DPP6: variants seen among roughly 807,000 people sequenced by gnomAD.
The protein encoded by DPP6 is A-type potassium channel modulatory protein DPP6.
Under a neutral mutation model 122.6 loss-of-function variants are expected in DPP6, and 69 were observed. The observed-to-expected ratio is 0.56, with a 90% confidence interval of 0.46 to 0.69. DPP6 has a LOEUF of 0.69. Among genes scored for constraint, DPP6 ranks in the 30% least tolerant of loss-of-function variants. DPP6 has a pLI of 0.00. For missense variants in DPP6, 928 were observed against 1,116.9 expected, an observed-to-expected ratio of 0.83 and a Z score of 2.41; for synonymous variants, 418 against 433.1, an observed-to-expected ratio of 0.97 and a Z score of 0.43.
chr7:154,867,866 C>A, intron 17 of DPP6, 129 bp from the exon 18 acceptor site: 1 of 1,261,052 alleles, frequency 7.9e-7, no homozygotes, highest in East Asian at 2.8e-5. Context: ...TTTCTGTACA[C>A]TAGAAATAAT....
At chr7:154,689,747 G>C (rs1839832986) in intron 7 of DPP6, among the ~76,000 whole-genome samples, 1 of 152,168 alleles carries the variant, frequency 6.6e-6, no homozygotes, top group African/African-American at 2.4e-5. Context: ...ATCTACGAAA[G>C]CAGGAAATTT....
chr7:154,225,839 A>G (rs1057433151), intron 1 of DPP6, among the ~76,000 whole-genome samples: 1 of 152,158 alleles, frequency 6.6e-6, no homozygotes, highest in Non-Finnish European at 1.5e-5. Flanking sequence ...CCATCTACCA[A>G]TACACTAGTG....
the DPP6 span, among the ~76,000 whole-genome samples, chr7:153,797,775 C>T: frequency 1.6e-4 from 24 of 152,144 alleles, no homozygotes; most frequent in Admixed American, 7.2e-4. Flanking sequence ...GGCTTATAGG[C>T]GGCCACCTCA....
chr7:153,835,462 C>A, the DPP6 span, among the ~76,000 whole-genome samples: 2 of 152,034 alleles, frequency 1.3e-5, no homozygotes, highest in Non-Finnish European at 2.9e-5. Context: ...CCTTTTACCA[C>A]CTTGGTTAAT....
chr7:154,058,953 G>A (rs1195515891), intron 1 of DPP6: 8 of 151,314 alleles, frequency 5.3e-5, no homozygotes, highest in African/African-American at 2.0e-4. Flanking sequence ...CAGGGTGGGG[G>A]AGGCACCCCC....
chr7:154,729,915 G>A (rs1293909988), intron 8 of DPP6, among the ~76,000 whole-genome samples: 1 of 152,236 alleles, frequency 6.6e-6, no homozygotes, highest in Non-Finnish European at 1.5e-5. Context: ...AGTTATGCCT[G>A]TTCTGTGCAG....
At chr7:153,870,123 T>C in the DPP6 span, among the ~76,000 whole-genome samples, 8 of 152,176 alleles carry the variant, frequency 5.3e-5, no homozygotes, top group African/African-American at 1.9e-4. Flanking sequence ...CTGACAATTA[T>C]GTGTCTTGGA....
intron 1 of DPP6, among the ~76,000 whole-genome samples, chr7:154,031,416 T>C (rs1250492729): frequency 6.6e-6 from 1 of 151,370 alleles, no homozygotes; most frequent in Non-Finnish European, 1.5e-5. Flanking sequence ...TTTATTAAAG[T>C]CTCACTAAAA....
chr7:153,981,177 G>C lies in DPP6; in HGVS notation c.51+93443G>C, dbSNP rs150392622. ...AGTATCCCACTATTATTGTGTGGGA[G>C]TCTAAGTCTCTTTGTAGTTCTCTAA... On this transcript the variant is annotated intron_variant, in intron 1 of 25. Transcript: ENST00000404039. Among the ~76,000 whole-genome samples the C allele has an allele frequency of 2.0e-4, 31 of 152,290 alleles. No homozygotes were observed. In the East Asian group the frequency reaches 4.8e-3, roughly 24 times the overall value.
intron 1 of DPP6, among the ~76,000 whole-genome samples, chr7:154,363,962 C>T (rs1811945276): frequency 6.6e-6 from 1 of 152,142 alleles, no homozygotes; most frequent in Non-Finnish European, 1.5e-5. Flanking sequence ...AAACAGCAAT[C>T]CTGCTTTTCC....
chr7:153,848,273 C>T, the DPP6 span, among the ~76,000 whole-genome samples: 1 of 151,058 alleles, frequency 6.6e-6, no homozygotes, highest in Non-Finnish European at 1.5e-5. Flanking sequence ...ACCCCCACCC[C>T]AGTCCTCACC....
chr7:153,770,427 A>T, the DPP6 span, among the ~76,000 whole-genome samples: 6 of 152,278 alleles, frequency 3.9e-5, no homozygotes, highest in African/African-American at 1.2e-4. Flanking sequence ...GGTACTGATA[A>T]ATCTGAGGCC....
At chr7:154,140,333 C>G (rs1451703401) in intron 1 of DPP6, among the ~76,000 whole-genome samples, 5 of 152,202 alleles carry the variant, frequency 3.3e-5, no homozygotes, top group African/African-American at 1.2e-4. Flanking sequence ...TTTATTCACA[C>G]CAAGTTTACT....
At chr7:154,772,037 C>A (rs149893073) in intron 9 of DPP6, among the ~76,000 whole-genome samples, 189 of 152,250 alleles carry the variant, frequency 1.2e-3, no homozygotes, top group African/African-American at 4.4e-3. Context: ...GGAGTGATAA[C>A]CTGGAATCCA....
intron 1 of DPP6, among the ~76,000 whole-genome samples, chr7:154,431,214 G>A (rs566123194): frequency 1.1e-4 from 16 of 152,214 alleles, no homozygotes; most frequent in South Asian, 2.1e-4. Context: ...AGGGGGAAGC[G>A]CCAAGGCCGT....
intron 5 of DPP6, among the ~76,000 whole-genome samples, chr7:154,567,552 T>C (rs1190079522): frequency 6.6e-6 from 1 of 152,218 alleles, no homozygotes; most frequent in Non-Finnish European, 1.5e-5. Context: ...TAATTTTAAA[T>C]AGTTGGAAGG....
At chr7:153,757,440 T>C in the DPP6 span, among the ~76,000 whole-genome samples, 2 of 152,206 alleles carry the variant, frequency 1.3e-5, no homozygotes, top group African/African-American at 2.4e-5. Context: ...TGTGACTTCA[T>C]ACAGAAAAGC....
chr7:154,422,866 G>A (rs1817592562), intron 1 of DPP6, among the ~76,000 whole-genome samples: 1 of 152,168 alleles, frequency 6.6e-6, no homozygotes, highest in Non-Finnish European at 1.5e-5. Flanking sequence ...CCAGAGCAGG[G>A]TCTCCCAGCT....
intron 1 of DPP6, among the ~76,000 whole-genome samples, chr7:154,151,792 A>G (rs527635888): frequency 2.0e-5 from 3 of 151,812 alleles, no homozygotes; most frequent in South Asian, 2.1e-4. Context: ...ATGCTCCCCA[A>G]TAATCCCCAC....
Sources: allele counts gnomAD v4.1 joint callset (sites outside exome capture counted in the v4.1 genomes callset), GRCh38; gene constraint gnomAD v4.1.1; transcripts MANE v1.5; gene names NCBI Gene and HGNC (gene_info 2026-07-23, HGNC 2026-07-21).